Variants in SMAD7 observed in about 807,000 individuals in gnomAD.
SMAD7 encodes MAD (mothers against decapentaplegic, Drosophila) homolog 7.
SMAD7 carries 8 observed loss-of-function variants against 38.7 expected under a neutral mutation model. That is an observed-to-expected ratio of 0.21 (90% confidence interval 0.12 to 0.37). The LOEUF is 0.37. SMAD7 is among the 10% of genes least tolerant of loss of function. The pLI, the probability that SMAD7 is intolerant of heterozygous loss-of-function variation, is 1.00. For missense variants in SMAD7, 477 were observed against 577.9 expected (o/e 0.83, Z 1.79); for synonymous variants, 327 against 265.1 (o/e 1.23, Z -2.27).
In SMAD7 at chr18:48,925,822, C is replaced by T. The variant is rs1028104574; in HGVS notation, c.743-3912G>A. Among the ~76,000 whole-genome samples, 6 of 152,056 alleles carry T rather than the reference C, an allele frequency of 3.9e-5. No individual in the cohort carries two copies. The South Asian group carries it at 1.2e-3, about 31-fold the overall frequency. ...AGTGCAGTGGCACAATCTCGGCTCA[C>T]TGCAAGCTCCGCCTCCCGGGTTCAC... On this transcript the variant is annotated intron_variant, in intron 3 of 3. Coordinates refer to ENST00000262158, the MANE Select transcript of SMAD7 (RefSeq NM_005904.4).
intron 3 of SMAD7, among the ~76,000 whole-genome samples, chr18:48,923,330 C>G (rs1026034504): frequency 6.6e-6 from 1 of 152,054 alleles, no homozygotes; most frequent in Non-Finnish European, 1.5e-5. Flanking sequence ...TGGGTTGCAC[C>G]CTGCAGGGGG....
chr18:48,929,567 T>TCTCA (rs1555716111), intron 3 of SMAD7, among the ~76,000 whole-genome samples: 4 of 61,696 alleles, frequency 6.5e-5, no homozygotes, highest in Non-Finnish European at 1.3e-4. Context: ...TCTCTCTCTC[T>TCTCA]CTCACTCACA....
At chr18:48,946,438 G>GT (rs35180356) in intron 2 of SMAD7, among the ~76,000 whole-genome samples, 4 of 151,006 alleles carry the variant, frequency 2.6e-5, no homozygotes, top group African/African-American at 9.7e-5. Context: ...GGCGGGGGGG[G>GT]TGTGCTCCAG....
intron 2 of SMAD7, among the ~76,000 whole-genome samples, chr18:48,947,892 AC>A (rs71165356): frequency 0.3 from 33,827 of 112,998 alleles, 4,289 homozygotes; most frequent in Middle Eastern, 0.42. Flanking sequence ...GGAGGAACCT[AC>A]CCCCCCCCCC....
intron 3 of SMAD7, among the ~76,000 whole-genome samples, chr18:48,936,850 C>T (rs1033905003): frequency 7.2e-5 from 11 of 152,142 alleles, no homozygotes; most frequent in Non-Finnish European, 1.0e-4. Context: ...GAGGCCAAGG[C>T]GGGCGGATCA....
In SMAD7 at chr18:48,950,606, CCGGAGGCCGGGGCGCGCG is replaced by C. The variant is rs1303864479; in HGVS notation, c.-200_-183del. ...GCGCTCCGTGGCATGCGCCAGTCTCCCGGAGGCCGGGGCGCGCGCGGGGGCCCGGGGGCGCCCGCCGGG... is the reference window on the plus strand; with the variant it reads ...GCGCTCCGTGGCATGCGCCAGTCTCCCGGGGGCCCGGGGGCGCCCGCCGGG... On this transcript the variant is annotated 5_prime_UTR_variant, in exon 1 of 4. Transcript: ENST00000262158. 2.6e-6 allele frequency: 1 copy of C among 379,294 alleles called. No homozygotes were observed. The highest frequency in any genetic ancestry group is 4.3e-6 in the Non-Finnish European group (1 of 234,204). The allele number at this position is 379,294 out of a possible 1,614,324, so 23.5% of individuals were successfully genotyped here.
At chr18:48,925,745 T>A (rs2069919020) in intron 3 of SMAD7, among the ~76,000 whole-genome samples, 1 of 130,282 alleles carries the variant, frequency 7.7e-6, no homozygotes, top group Non-Finnish European at 1.7e-5. Flanking sequence ...CCTTCTTAAA[T>A]GTTTTTCTTT....
intron 3 of SMAD7, among the ~76,000 whole-genome samples, chr18:48,922,980 G>C (rs997348864): frequency 3.3e-5 from 5 of 152,210 alleles, no homozygotes; most frequent in African/African-American, 9.6e-5. Context: ...AGGGAGCCCC[G>C]GCGGCGGGCA....
intron 1 of SMAD7, 66 bp from the exon 2 acceptor site, chr18:48,948,503 AAC>A: frequency 8.8e-7 from 1 of 1,140,764 alleles, no homozygotes; most frequent in Non-Finnish European, 1.3e-6. Flanking sequence ...AACTTATGAT[AAC>A]AGAGGCATTC....
chr18:48,945,700 G>T (rs1435440651), intron 2 of SMAD7, among the ~76,000 whole-genome samples: 2 of 152,134 alleles, frequency 1.3e-5, no homozygotes, highest in Admixed American at 1.3e-4. Flanking sequence ...TTGCAGGCTG[G>T]ATCTGCCCAT....
At chr18:48,947,959 A>T (rs1221380044) in intron 2 of SMAD7, among the ~76,000 whole-genome samples, 2 of 147,018 alleles carry the variant, frequency 1.4e-5, no homozygotes, top group African/African-American at 5.0e-5. Context: ...CTCCAGACCA[A>T]AGTCTTCTTT....
At position 48,925,650 on chromosome 18, in the gene SMAD7, G is replaced by A. The variant is rs116327259; in HGVS notation, c.743-3740C>T. Among the ~76,000 whole-genome samples, 1,059 of 152,278 alleles carry A rather than the reference G, an allele frequency of 7.0e-3. 9 individuals are homozygous for A. Among genetic ancestry groups the A allele is most frequent in the African/African-American group, 0.024 (1,001 of 41,558 alleles). On this transcript the variant is annotated intron_variant, in intron 3 of 3. Transcript: ENST00000262158. The stretch of plus-strand genomic sequence containing the variant: ...GACCCTTCCAGGAGACCAGAGGCTC[G>A]TGAATGAACCTCACACCCCAGGTCT...
chr18:48,926,350 G>A (rs542227338), intron 3 of SMAD7, among the ~76,000 whole-genome samples: 1 of 152,332 alleles, frequency 6.6e-6, no homozygotes, highest in East Asian at 1.9e-4. Context: ...AAAGACATGA[G>A]CTCCATCAGC....
chr18:48,924,687 T>C (rs1374819467), intron 3 of SMAD7, among the ~76,000 whole-genome samples: 1 of 152,120 alleles, frequency 6.6e-6, no homozygotes, highest in African/African-American at 2.4e-5. Context: ...GCAGGGAGAC[T>C]CCTGCCTGCT....
intron 3 of SMAD7, among the ~76,000 whole-genome samples, chr18:48,923,762 A>AGTGCTT (rs1250558906): frequency 6.6e-6 from 1 of 152,134 alleles, no homozygotes; most frequent in East Asian, 1.9e-4. Context: ...TTGGAAGTCC[A>AGTGCTT]GTGCTTGTGC....
At chr18:48,942,396 G>A (rs929380665) in intron 3 of SMAD7, 85 bp downstream of exon 3, 4 of 868,670 alleles carry the variant, frequency 4.6e-6, no homozygotes, top group Non-Finnish European at 3.6e-6. Flanking sequence ...CAGCTGGGGT[G>A]GCAGAAGGCC....
intron 3 of SMAD7, chr18:48,930,195 A>G (rs2069980791): frequency 6.6e-6 from 1 of 152,548 alleles, no homozygotes; most frequent in Admixed American, 6.5e-5. Context: ...AGGGAAAAAC[A>G]ACAGTACGAC....
In SMAD7 at chr18:48,949,793, T is replaced by A. The variant is rs769810914; in HGVS notation, c.613+19A>T. 2 of 1,575,182 alleles carry A rather than the reference T, an allele frequency of 1.3e-6. No homozygotes were observed. The highest frequency in any genetic ancestry group is 2.7e-5 in the African/African-American group (2 of 73,676). The stretch of plus-strand genomic sequence containing the variant: ...CTGGCGCTCCGGAAAATGTTGGGGG[T>A]AGGGGGACAACTTCTCACCTAGTTC... On this transcript the variant is annotated intron_variant, in intron 1 of 3. Transcript: ENST00000262158.
chr18:48,929,569 T>TCACACACACACACACACACACACACACA (rs1555716118), intron 3 of SMAD7, among the ~76,000 whole-genome samples: 38 of 114,612 alleles, frequency 3.3e-4, no homozygotes, highest in African/African-American at 1.2e-3. Context: ...TCTCTCTCTC[T>TCACACACACACACACACACACACACACA]CACTCACACA....
Sources: gnomAD v4.1 joint callset for allele counts (sites outside exome capture counted in the v4.1 genomes callset) on GRCh38, gnomAD v4.1.1 for gene constraint, MANE v1.5 for transcripts, NCBI Gene and HGNC (gene_info 2026-07-23, HGNC 2026-07-21) for gene names.